SYN3: variants seen among roughly 807,000 people sequenced by gnomAD.
SYN3 encodes the protein synapsin III, also known as synapsin-3.
In SYN3, 35 loss-of-function variants were observed where a neutral mutation model predicts 65.8. The ratio of observed to expected loss-of-function variants is 0.53; its 90% CI spans 0.41 to 0.70. The LOEUF is 0.70. SYN3 is among the 30% of genes least tolerant of loss of function. The pLI is 0.00. For missense variants in SYN3, 680 were observed against 749.0 expected (o/e 0.91, Z 1.08); for synonymous variants, 270 against 292.9 (o/e 0.92, Z 0.80).
intron 1 of SYN3, among the ~76,000 whole-genome samples, chr22:33,009,623 A>T (rs2053296910): frequency 6.6e-6 from 1 of 152,130 alleles, no homozygotes; most frequent in African/African-American, 2.4e-5. Flanking sequence ...ACTCTTAAAA[A>T]AGTGAATTGT....
At chr22:32,676,838 C>T (rs1021682662) in intron 6 of SYN3, among the ~76,000 whole-genome samples, 21 of 152,020 alleles carry the variant, frequency 1.4e-4, no homozygotes, top group Non-Finnish European at 2.9e-5. Context: ...CCACTGTGCC[C>T]AGCCAACAGC....
intron 1 of SYN3, among the ~76,000 whole-genome samples, chr22:33,032,200 G>C (rs749785152): frequency 1.4e-5 from 2 of 143,414 alleles, no homozygotes; most frequent in African/African-American, 5.2e-5. Flanking sequence ...ACAGAGCAAG[G>C]CTCTGTCTTT....
intron 3 of SYN3, among the ~76,000 whole-genome samples, chr22:32,979,960 T>A (rs891817766): frequency 6.6e-6 from 1 of 151,658 alleles, no homozygotes; most frequent in Non-Finnish European, 1.5e-5. Context: ...AGAGAGGAGG[T>A]CCTCGCGGAA....
intron 2 of SYN3, among the ~76,000 whole-genome samples, chr22:32,990,908 G>A (rs1442256329): frequency 1.3e-5 from 2 of 151,768 alleles, no homozygotes; most frequent in Non-Finnish European, 2.9e-5. Flanking sequence ...AAAATTGGCT[G>A]GGCGCAGTGG....
At position 32,961,733 on chromosome 22, in the gene SYN3, G is replaced by T. The variant is rs78278486; in HGVS notation, c.369+18912C>A. On this transcript the variant is annotated intron_variant, in intron 3 of 13. Transcript: ENST00000358763. ...GAAGGCATTGCCTTCATTGAACAGC[G>T]GAGGGCCGGGGGTTGCACATGCTCT... is the stretch of plus-strand genomic sequence containing the variant. 2.8e-3 allele frequency among the ~76,000 whole-genome samples: 422 copies of T among 152,362 alleles called. 3 individuals carry two copies. Among genetic ancestry groups the T allele is most frequent in the African/African-American group, 9.8e-3 (407 of 41,582 alleles).
At chr22:32,850,957 G>A (rs888477922) in intron 6 of SYN3, among the ~76,000 whole-genome samples, 2 of 152,104 alleles carry the variant, frequency 1.3e-5, no homozygotes, top group Non-Finnish European at 2.9e-5. Flanking sequence ...TAATTTTGTG[G>A]AACCTGTTGC....
chr22:32,647,953 T>A (rs1469298298), intron 6 of SYN3, among the ~76,000 whole-genome samples: 2 of 152,096 alleles, frequency 1.3e-5, no homozygotes, highest in Non-Finnish European at 2.9e-5. Context: ...TGTCCAGGCT[T>A]ATCTTGAACT....
intron 6 of SYN3, among the ~76,000 whole-genome samples, chr22:32,826,703 G>A (rs1569255685): frequency 6.6e-6 from 1 of 152,150 alleles, no homozygotes; most frequent in East Asian, 1.9e-4. Flanking sequence ...ATTTGAGCTG[G>A]AATAAAATGT....
At chr22:32,853,757 C>A (rs1280467019) in intron 6 of SYN3, among the ~76,000 whole-genome samples, 2 of 152,222 alleles carry the variant, frequency 1.3e-5, no homozygotes, top group Non-Finnish European at 2.9e-5. Flanking sequence ...TTGTTCTAAG[C>A]TAACTTTTAT....
At chr22:32,913,339 T>C (rs1265457834) in intron 4 of SYN3, among the ~76,000 whole-genome samples, 1 of 152,008 alleles carries the variant, frequency 6.6e-6, no homozygotes, top group Non-Finnish European at 1.5e-5. Context: ...TTTGTATTTT[T>C]AGTAGAGATG....
In SYN3 at chr22:32,898,122, A is replaced by T. The variant is rs543962043; in HGVS notation, c.462-28997T>A. Among the ~76,000 whole-genome samples, 6 of 152,210 alleles carry T rather than the reference A, an allele frequency of 3.9e-5. No individual in the cohort carries two copies. The South Asian group carries it at 1.2e-3, about 32-fold the overall frequency. ...GCGATTCTCCTGCCTCAGCTTCCAG[A>T]GTAGCTGAGATTACAGGTGTGCGTC... On this transcript the variant is annotated intron_variant, in intron 4 of 13. Transcript: ENST00000358763.
At chr22:32,607,687 T>C (rs1387855574) in intron 6 of SYN3, among the ~76,000 whole-genome samples, 1 of 152,236 alleles carries the variant, frequency 6.6e-6, no homozygotes, top group Non-Finnish European at 1.5e-5. Flanking sequence ...TATTCCATTA[T>C]CTTACATTTC....
chr22:32,666,007 A>C (rs763309674), intron 6 of SYN3, among the ~76,000 whole-genome samples: 94 of 152,166 alleles, frequency 6.2e-4, no homozygotes, highest in Middle Eastern at 3.4e-3. Flanking sequence ...ACTAAGTCCT[A>C]CTTCAGTTAA....
intron 6 of SYN3, among the ~76,000 whole-genome samples, chr22:32,603,095 C>A (rs1381255836): frequency 6.6e-6 from 1 of 151,748 alleles, no homozygotes; most frequent in Non-Finnish European, 1.5e-5. Context: ...CGGGGTGAAT[C>A]AGCCACCATA....
Position 32,643,561 on chromosome 22 carries a change from G to A in SYN3, c.712-46825C>T, listed in dbSNP as rs928613831. ...AAATTAGAAATGGTGGGGGGGCGGG[G>A]GGGGCAGAACAGACCCATAAAGGAA... On this transcript the variant is annotated intron_variant, in intron 6 of 13. Transcript: ENST00000358763. Among the ~76,000 whole-genome samples, 3 of 123,430 alleles carry A rather than the reference G, an allele frequency of 2.4e-5. 1 individual carries two copies. Among genetic ancestry groups the A allele is most frequent in the Non-Finnish European group, 5.1e-5 (3 of 59,296 alleles). The allele number at this position is 123,430 out of a possible 152,430, so 81.0% of individuals were successfully genotyped here.
intron 6 of SYN3, among the ~76,000 whole-genome samples, chr22:32,677,312 C>T (rs1376213628): frequency 1.3e-5 from 2 of 152,126 alleles, no homozygotes; most frequent in Non-Finnish European, 2.9e-5. Context: ...GGGAAGAAGA[C>T]CCTTCCAAAT....
chr22:32,944,134 C>G (rs1309100188), intron 3 of SYN3, among the ~76,000 whole-genome samples: 1 of 152,218 alleles, frequency 6.6e-6, no homozygotes, highest in East Asian at 1.9e-4. Context: ...CCCAAATCAA[C>G]AGAATATACA....
At chr22:32,553,155 C>A (rs1295407932) in intron 7 of SYN3, among the ~76,000 whole-genome samples, 1 of 152,152 alleles carries the variant, frequency 6.6e-6, no homozygotes, top group Non-Finnish European at 1.5e-5. Context: ...CCCATAGATC[C>A]CATCTCCAAA....
chr22:32,995,257 G>A (rs1288425077), intron 2 of SYN3, among the ~76,000 whole-genome samples: 1 of 152,218 alleles, frequency 6.6e-6, no homozygotes, highest in African/African-American at 2.4e-5. Context: ...TGGCCCCGTG[G>A]TAGCAGAGCC....
Sources: allele counts gnomAD v4.1 joint callset (sites outside exome capture counted in the v4.1 genomes callset), GRCh38; gene constraint gnomAD v4.1.1; transcripts MANE v1.5; gene names NCBI Gene and HGNC (gene_info 2026-07-23, HGNC 2026-07-21).